Variants in LRRFIP2 observed in about 807,000 individuals in gnomAD.
LRRFIP2 encodes leucine-rich repeat flightless-interacting protein 2.
LRRFIP2 carries 109 observed loss-of-function variants against 125.9 expected under a neutral mutation model. The observed-to-expected ratio is 0.87, with a 90% CI of 0.74 to 1.01. The LOEUF (loss-of-function observed/expected upper bound fraction) is 1.01, where lower values mean the gene tolerates loss of function less well. Among genes scored for constraint, LRRFIP2 ranks in the 50% least tolerant of loss-of-function variants. The pLI, the probability that LRRFIP2 is intolerant of heterozygous loss-of-function variation, is 0.00. For synonymous variants in LRRFIP2, 291 were observed against 293.1 expected (o/e 0.99, Z 0.07); for missense variants, 850 against 862.3 (o/e 0.99, Z 0.18).
At chr3:37,122,518 G>A (rs2095099045) in intron 4 of LRRFIP2, among the ~76,000 whole-genome samples, 1 of 152,024 alleles carries the variant, frequency 6.6e-6, no homozygotes, top group South Asian at 2.1e-4. Context: ...AGTTTATGCA[G>A]GTAGGAAGAA....
chr3:37,105,385 G>A (rs1243836024), intron 14 of LRRFIP2, 70 bp downstream of exon 14: 1 of 1,257,832 alleles, frequency 8.0e-7, no homozygotes, highest in Non-Finnish European at 1.2e-6. Flanking sequence ...CTTTCCAACA[G>A]ACTTCATGTG....
intron 6 of LRRFIP2, among the ~76,000 whole-genome samples, chr3:37,119,283 C>G (rs1045764545): frequency 3.3e-5 from 5 of 152,016 alleles, no homozygotes; most frequent in African/African-American, 1.2e-4. Flanking sequence ...GGAGTTATAT[C>G]TTAAATTTGT....
intron 2 of LRRFIP2, among the ~76,000 whole-genome samples, chr3:37,132,074 C>T (rs769900919): frequency 3.3e-5 from 5 of 152,112 alleles, no homozygotes; most frequent in Admixed American, 6.6e-5. Flanking sequence ...AAAACCTATG[C>T]TCTGCTTCAA....
At chr3:37,064,670 G>A (rs552555594) in intron 23 of LRRFIP2, 4 of 151,686 alleles carry the variant, frequency 2.6e-5, no homozygotes, top group Admixed American at 1.3e-4. Flanking sequence ...CTCCTAGCCT[G>A]TGGAGGTTTG....
intron 15 of LRRFIP2, among the ~76,000 whole-genome samples, chr3:37,102,425 TA>T (rs752243847): frequency 1.3e-5 from 2 of 151,436 alleles, no homozygotes; most frequent in Admixed American, 6.6e-5. Context: ...AGTTTTTTTT[TA>T]AAAAAGAACA....
At chr3:37,096,717 G>T in intron 15 of LRRFIP2, 57 bp from the exon 16 acceptor site, 2 of 1,011,986 alleles carry the variant, frequency 2.0e-6, no homozygotes, top group Non-Finnish European at 3.0e-6. Context: ...GACTTTTTTT[G>T]GGAGGAAAAA....
chr3:37,169,783 C>T (rs1168937302), intron 1 of LRRFIP2, among the ~76,000 whole-genome samples: 1 of 152,096 alleles, frequency 6.6e-6, no homozygotes, highest in Non-Finnish European at 1.5e-5. Context: ...AATGAAGGAA[C>T]ACTAAGATAT....
intron 2 of LRRFIP2, among the ~76,000 whole-genome samples, chr3:37,139,798 T>C (rs1369023652): frequency 6.6e-6 from 1 of 152,176 alleles, no homozygotes; most frequent in Non-Finnish European, 1.5e-5. Flanking sequence ...CTCTGATCTT[T>C]AAAAGGCAAG....
At chr3:37,067,616 C>A (rs1312090612) in intron 21 of LRRFIP2, 1 of 152,144 alleles carries the variant, frequency 6.6e-6, no homozygotes, top group Non-Finnish European at 1.5e-5. Context: ...TGTTTTGCAA[C>A]CAAATAGGGA....
rs138902197 is a variant in LRRFIP2, at chr3:37,164,123, G to A, written c.-56+10416C>T. ...TGAAAAATCTGTTGGCGCATTTAGGGGGAAAGCAACAGGTAAACAGAAAAT... is the reference window on the plus strand; with the variant it reads ...TGAAAAATCTGTTGGCGCATTTAGGAGGAAAGCAACAGGTAAACAGAAAAT... On this transcript the variant is annotated intron_variant, in intron 1 of 27. Transcript: ENST00000336686. Among the ~76,000 whole-genome samples, 980 of 152,190 alleles carry A rather than the reference G, an allele frequency of 6.4e-3. 10 individuals carry two copies. The highest frequency in any genetic ancestry group is 0.022 in the African/African-American group (928 of 41,532).
intron 24 of LRRFIP2, among the ~76,000 whole-genome samples, chr3:37,063,312 C>A (rs956129490): frequency 1.3e-5 from 2 of 151,930 alleles, no homozygotes; most frequent in African/African-American, 2.4e-5. Context: ...GTGGCAGGGA[C>A]AAAGGATGAA....
At chr3:37,054,070 G>T in intron 27 of LRRFIP2, 109 bp from the exon 28 acceptor site, 1 of 738,718 alleles carries the variant, frequency 1.4e-6, no homozygotes, top group Non-Finnish European at 2.5e-6. Context: ...TGATGGCCTT[G>T]CACAGGACCC....
chr3:37,110,172 C>CACT (rs2094497850), intron 9 of LRRFIP2, among the ~76,000 whole-genome samples: 1 of 152,210 alleles, frequency 6.6e-6, no homozygotes, highest in Admixed American at 6.5e-5. Flanking sequence ...TCTCTACAAA[C>CACT]ACTCTTTTCC....
intron 13 of LRRFIP2, among the ~76,000 whole-genome samples, chr3:37,105,893 C>A (rs1047071216): frequency 2.6e-5 from 4 of 152,082 alleles, no homozygotes; most frequent in Non-Finnish European, 5.9e-5. Flanking sequence ...GGTGAAACCC[C>A]GTCTCTACTA....
intron 13 of LRRFIP2, among the ~76,000 whole-genome samples, chr3:37,107,083 T>C (rs1377448613): frequency 2.0e-5 from 3 of 152,080 alleles, no homozygotes; most frequent in African/African-American, 7.2e-5. Context: ...TGTGTATTTT[T>C]AGTAGAGGTG....
intron 18 of LRRFIP2, among the ~76,000 whole-genome samples, chr3:37,091,154 T>C (rs1301880071): frequency 6.6e-6 from 1 of 151,916 alleles, no homozygotes; most frequent in Admixed American, 6.6e-5. Context: ...GGCAGGAGGA[T>C]GGCTTGAGCC....
chr3:37,117,001 G>A (rs377070061), intron 6 of LRRFIP2, among the ~76,000 whole-genome samples: 38 of 151,690 alleles, frequency 2.5e-4, no homozygotes, highest in East Asian at 1.2e-3. Context: ...TCTAAAATGC[G>A]TAATAGTATG....
In LRRFIP2 at chr3:37,131,421, G is replaced by A. The variant is rs189309538; in HGVS notation, c.91-2272C>T. 4.6e-5 allele frequency among the ~76,000 whole-genome samples: 7 copies of A among 152,016 alleles called. No individual in the cohort carries two copies. In the East Asian group the frequency reaches 1.4e-3, roughly 29 times the overall value. On this transcript the variant is annotated intron_variant, in intron 2 of 27. Transcript: ENST00000336686. Reference sequence around the variant, plus strand: ...GCTTCTCTCACCCCACAACTTTTATGCCTCAAGGTCTGCTAAAAAAAAACA... The same window carrying A: ...GCTTCTCTCACCCCACAACTTTTATACCTCAAGGTCTGCTAAAAAAAAACA...
chr3:37,125,974 T>G (rs2149631086), intron 4 of LRRFIP2, among the ~76,000 whole-genome samples: 1 of 152,226 alleles, frequency 6.6e-6, no homozygotes, highest in Middle Eastern at 3.4e-3. Context: ...TTATTTATTT[T>G]GTTTACCTTC....
Sources: allele counts gnomAD v4.1 joint callset (sites outside exome capture counted in the v4.1 genomes callset), GRCh38; gene constraint gnomAD v4.1.1; transcripts MANE v1.5; gene names NCBI Gene and HGNC (gene_info 2026-07-23, HGNC 2026-07-21).